Variants in STXBP5 observed in about 807,000 individuals in gnomAD.
STXBP5 encodes the protein syntaxin binding protein 5, also known as syntaxin-binding protein 5.
In STXBP5, 50 loss-of-function variants were observed where a neutral mutation model predicts 152.4. The ratio of observed to expected loss-of-function variants is 0.33; its 90% CI spans 0.26 to 0.42. STXBP5 has a LOEUF of 0.42. Ranked by LOEUF, STXBP5 falls within the 10% of genes least tolerant of loss-of-function variation. The pLI, the probability that STXBP5 is intolerant of heterozygous loss-of-function variation, is 1.00. For missense variants in STXBP5, 1,167 were observed against 1,388.6 expected (o/e 0.84, Z 2.54); for synonymous variants, 492 against 494.7 (o/e 0.99, Z 0.07).
chr6:147,345,101 T>C (rs1221515429), intron 21 of STXBP5, among the ~76,000 whole-genome samples: 1 of 152,222 alleles, frequency 6.6e-6, no homozygotes, highest in Non-Finnish European at 1.5e-5. Flanking sequence ...GGTCTGTATT[T>C]AATTTGCCCT....
chr6:147,363,045 C>T (rs1463916652), intron 23 of STXBP5, among the ~76,000 whole-genome samples: 2 of 152,094 alleles, frequency 1.3e-5, no homozygotes, highest in African/African-American at 2.4e-5. Context: ...TCCAGCATGT[C>T]GTTTGTTTAT....
intron 22 of STXBP5, among the ~76,000 whole-genome samples, chr6:147,355,128 A>G (rs1319909593): frequency 1.3e-5 from 2 of 152,168 alleles, no homozygotes; most frequent in African/African-American, 4.8e-5. Flanking sequence ...TCTGTAACCC[A>G]GAAGTCAGAA....
intron 21 of STXBP5, among the ~76,000 whole-genome samples, chr6:147,344,391 A>T (rs988094966): frequency 3.3e-5 from 5 of 152,238 alleles, no homozygotes; most frequent in African/African-American, 1.2e-4. Context: ...TATTTGAACA[A>T]AACTATAAAT....
chr6:147,342,837 GT>G (rs1784152999), intron 21 of STXBP5, among the ~76,000 whole-genome samples: 2 of 151,990 alleles, frequency 1.3e-5, no homozygotes, highest in South Asian at 4.1e-4. Flanking sequence ...TGCTAGCATT[GT>G]TTGATAAATT....
At chr6:147,254,547 G>T (rs1359330806) in intron 4 of STXBP5, among the ~76,000 whole-genome samples, 3 of 152,036 alleles carry the variant, frequency 2.0e-5, no homozygotes, top group Non-Finnish European at 4.4e-5. Flanking sequence ...CTATCCATCT[G>T]GCAAAAGGCT....
intron 9 of STXBP5, among the ~76,000 whole-genome samples, chr6:147,298,102 G>A (rs1283013132): frequency 6.6e-6 from 1 of 151,968 alleles, no homozygotes; most frequent in East Asian, 1.9e-4. Flanking sequence ...ACCTACTATA[G>A]GCTCACGTCA....
intron 9 of STXBP5, among the ~76,000 whole-genome samples, chr6:147,303,582 T>C (rs1174175580): frequency 6.6e-6 from 1 of 152,130 alleles, no homozygotes; most frequent in Non-Finnish European, 1.5e-5. Context: ...TGGAAGTGAC[T>C]ATGGAACTGG....
intron 16 of STXBP5, 55 bp from the exon 17 acceptor site, chr6:147,324,904 A>T: frequency 1.5e-6 from 2 of 1,366,266 alleles, no homozygotes; most frequent in Non-Finnish European, 9.6e-7. Flanking sequence ...ATTTATAATC[A>T]TATAGGCCAA....
chr6:147,306,552 C>G (rs765315245), intron 9 of STXBP5, among the ~76,000 whole-genome samples: 1 of 152,216 alleles, frequency 6.6e-6, no homozygotes, highest in Admixed American at 6.5e-5. Flanking sequence ...GAGACAGATT[C>G]TAGAGATCCT....
intron 6 of STXBP5, among the ~76,000 whole-genome samples, chr6:147,265,577 G>A: frequency 6.6e-6 from 1 of 151,984 alleles, no homozygotes; most frequent in East Asian, 1.9e-4. Context: ...AATATTAGTA[G>A]AGGATTGCTT....
chr6:147,353,883 G>A (rs933145654), intron 22 of STXBP5, among the ~76,000 whole-genome samples: 1 of 152,046 alleles, frequency 6.6e-6, no homozygotes. Context: ...CATTTATTAT[G>A]AAAGCAGGAT....
At chr6:147,327,900 G>GT (rs1187789586) in intron 18 of STXBP5, among the ~76,000 whole-genome samples, 1 of 152,106 alleles carries the variant, frequency 6.6e-6, no homozygotes, top group Non-Finnish European at 1.5e-5. Flanking sequence ...TTTGGTTTTT[G>GT]TAAGACCAGT....
chr6:147,367,659 T>C (rs1159220634), intron 25 of STXBP5, among the ~76,000 whole-genome samples: 1 of 150,202 alleles, frequency 6.7e-6, no homozygotes, highest in Admixed American at 6.6e-5. Flanking sequence ...AAACAAAAAC[T>C]GAGTAAAGCA....
intron 25 of STXBP5, among the ~76,000 whole-genome samples, chr6:147,364,462 ATATC>A (rs1307749830): frequency 6.6e-6 from 1 of 152,234 alleles, no homozygotes; most frequent in African/African-American, 2.4e-5. Flanking sequence ...CATAGAATAA[ATATC>A]TATTATACAC....
chr6:147,208,178 A>G (rs1157957358), intron 2 of STXBP5, among the ~76,000 whole-genome samples: 2 of 152,160 alleles, frequency 1.3e-5, no homozygotes, highest in South Asian at 2.1e-4. Flanking sequence ...TGAAGTATGG[A>G]AAACTGTTTA....
intron 3 of STXBP5, among the ~76,000 whole-genome samples, chr6:147,238,108 G>A (rs191792734): frequency 6.6e-6 from 1 of 152,214 alleles, no homozygotes; most frequent in East Asian, 1.9e-4. Flanking sequence ...GCCATTTTCT[G>A]TTGCTACAAC....
chr6:147,242,191 AAAAAGT>A (rs1279612295), intron 4 of STXBP5, among the ~76,000 whole-genome samples: 1 of 151,864 alleles, frequency 6.6e-6, no homozygotes, highest in Non-Finnish European at 1.5e-5. Context: ...AAAAAAGTTT[AAAAAGT>A]AAAAGTAAAA....
intron 22 of STXBP5, among the ~76,000 whole-genome samples, chr6:147,357,237 C>T (rs1784856720): frequency 6.6e-6 from 1 of 151,976 alleles, no homozygotes; most frequent in Non-Finnish European, 1.5e-5. Context: ...AGGAAGTTGA[C>T]AGTAACTGAA....
rs1776439829 is a variant in STXBP5 at position 147,204,595 on chromosome 6, G to A, written c.63G>A (p.Ser21=). The A allele has an allele frequency of 1.2e-6, 2 of 1,609,668 alleles. No individual in the cohort carries two copies. Among genetic ancestry groups the A allele is most frequent in the African/African-American group, 1.3e-5 (1 of 74,562 alleles). The change falls in exon 1 of 28, where the codon TCG becomes TCA. Residue 21 remains serine, a synonymous_variant. Coordinates refer to ENST00000321680, the MANE Select transcript of STXBP5 (RefSeq NM_001127715.4). This position sits in a 1 kb window ranked among gnomAD's most constrained non-coding sequence, Gnocchi z 4.3. ...TGACCGCCGGCTCGTCCTCGGCGTC[G>A]CAGCAGCAACAGCAGCAGCATCCGC... ...DGLTAGSSSA[S]QQQQQQHPPG...
Sources: gnomAD v4.1 joint callset for allele counts (sites outside exome capture counted in the v4.1 genomes callset) on GRCh38, gnomAD v4.1.1 for gene constraint, Gnocchi (gnomAD v3.1) non-coding constraint, MANE v1.5 for transcripts, NCBI Gene and HGNC (gene_info 2026-07-23, HGNC 2026-07-21) for gene names.